The following DNAJC11 variants were observed in gnomAD, a reference collection of about 807,000 sequenced individuals.
DNAJC11 encodes the protein DnaJ heat shock protein family (Hsp40) member C11, also known as dnaJ homolog subfamily C member 11.
A neutral mutation model predicts 78.6 loss-of-function variants in DNAJC11; 15 were observed. That is an observed-to-expected ratio of 0.19 (90% CI 0.13 to 0.29). The LOEUF is 0.29. DNAJC11 is among the 10% of genes least tolerant of loss of function. The pLI is 1.00. For synonymous variants in DNAJC11, 292 were observed against 272.1 expected, an observed-to-expected ratio of 1.07 and a Z score of -0.72; for missense variants, 547 against 709.6, an observed-to-expected ratio of 0.77 and a Z score of 2.60.
chr1:6,670,016 C>T (rs1408022411), intron 3 of DNAJC11, among the ~76,000 whole-genome samples: 1 of 150,572 alleles, frequency 6.6e-6, no homozygotes, highest in Admixed American at 6.6e-5. Context: ...TGCGGTGGTG[C>T]GATCTCAGCT....
At chr1:6,668,006 C>A in intron 3 of DNAJC11, 196 bp from the exon 4 acceptor site, 1 of 566,002 alleles carries the variant, frequency 1.8e-6, no homozygotes, top group Non-Finnish European at 3.2e-6. Flanking sequence ...GCTCACTGCC[C>A]TCCTGGCCCT....
chr1:6,642,545 A>C (rs1313399981), intron 10 of DNAJC11, among the ~76,000 whole-genome samples: 1 of 152,142 alleles, frequency 6.6e-6, no homozygotes, highest in Non-Finnish European at 1.5e-5. Flanking sequence ...TCATTTACTG[A>C]GATAGGAAAG....
intron 3 of DNAJC11, among the ~76,000 whole-genome samples, chr1:6,677,234 G>A (rs1288434775): frequency 2.7e-5 from 4 of 150,368 alleles, no homozygotes; most frequent in East Asian, 1.9e-4. Context: ...ATAACTCAAC[G>A]AGGGTCAATT....
At chr1:6,674,368 T>C (rs771622168) in intron 3 of DNAJC11, among the ~76,000 whole-genome samples, 4 of 151,868 alleles carry the variant, frequency 2.6e-5, no homozygotes, top group Non-Finnish European at 4.4e-5. Flanking sequence ...CGAGACCAGC[T>C]TGGCCAACAT....
intron 11 of DNAJC11, 62 bp downstream of exon 11, chr1:6,639,840 T>C (rs1017255857): frequency 4.0e-5 from 62 of 1,550,874 alleles, no homozygotes; most frequent in Non-Finnish European, 5.3e-5. Flanking sequence ...CTCTCCATTT[T>C]AAGGGTGAGG....
At chr1:6,673,648 C>T (rs1361233109) in intron 3 of DNAJC11, among the ~76,000 whole-genome samples, 2 of 152,172 alleles carry the variant, frequency 1.3e-5, no homozygotes, top group African/African-American at 2.4e-5. Flanking sequence ...ATCTCAGAAA[C>T]CAACATTAAT....
chr1:6,657,758 C>A (rs1261161175), intron 4 of DNAJC11, among the ~76,000 whole-genome samples: 1 of 152,194 alleles, frequency 6.6e-6, no homozygotes, highest in Non-Finnish European at 1.5e-5. Context: ...CATTCTCCTG[C>A]CTCAGCCTCC....
At chr1:6,691,821 C>A (rs1405797827) in intron 1 of DNAJC11, among the ~76,000 whole-genome samples, 1 of 152,214 alleles carries the variant, frequency 6.6e-6, no homozygotes, top group Non-Finnish European at 1.5e-5. Context: ...GCAATCTGTA[C>A]CAGGCATATG....
intron 10 of DNAJC11, among the ~76,000 whole-genome samples, chr1:6,643,420 C>A (rs369400767): frequency 1.3e-5 from 2 of 151,788 alleles, no homozygotes; most frequent in Non-Finnish European, 2.9e-5. Flanking sequence ...AGACTACAGG[C>A]GCCCGCCACC....
chr1:6,648,129 T>A (rs1023761419), intron 7 of DNAJC11, among the ~76,000 whole-genome samples: 1 of 151,932 alleles, frequency 6.6e-6, no homozygotes, highest in Non-Finnish European at 1.5e-5. Context: ...AGATTCCCAG[T>A]CCCCTCCCTC....
At chr1:6,646,084 C>T in intron 7 of DNAJC11, 106 bp from the exon 8 acceptor site, 6 of 1,127,072 alleles carry the variant, frequency 5.3e-6, no homozygotes, top group Non-Finnish European at 6.5e-6. Context: ...CACGTCTATG[C>T]ATCCCTGGGC....
At chr1:6,648,393 C>T (rs1255566098) in intron 7 of DNAJC11, among the ~76,000 whole-genome samples, 2 of 152,134 alleles carry the variant, frequency 1.3e-5, no homozygotes, top group Non-Finnish European at 2.9e-5. Flanking sequence ...TGACCTCAGG[C>T]GACCCGCCTG....
At position 6,635,228 on chromosome 1, in the gene DNAJC11, C is replaced by A. The variant is rs1641739052; in HGVS notation, c.*447G>T. The A allele has an allele frequency of 5.9e-6, 1 of 169,642 alleles. No homozygotes were observed. Among genetic ancestry groups the A allele is most frequent in the East Asian group, 1.6e-4 (1 of 6,396 alleles). 10.5% of individuals were successfully genotyped at this position (169,642 alleles called of 1,614,324 possible). On this transcript the variant is annotated 3_prime_UTR_variant, in exon 16 of 16. Transcript: ENST00000377577. ...AGCCAGCACAGCAGAGGCTCCCTGA[C>A]CGGGAGGCCTGCCTGCTTTTCAGGT...
chr1:6,637,998 C>T, intron 12 of DNAJC11: 1 of 394,820 alleles, frequency 2.5e-6, no homozygotes, highest in South Asian at 4.4e-5. Flanking sequence ...TGGCAGTATG[C>T]TCGCCACATA....
At chr1:6,636,026 G>C in intron 15 of DNAJC11, 91 bp downstream of exon 15, 5 of 1,491,262 alleles carry the variant, frequency 3.4e-6, no homozygotes, top group Non-Finnish European at 4.5e-6. Flanking sequence ...AGCTGAGGAA[G>C]GTGGAAGGTG....
intron 1 of DNAJC11, among the ~76,000 whole-genome samples, chr1:6,700,475 G>A (rs1315234946): frequency 6.6e-6 from 1 of 152,352 alleles, no homozygotes; most frequent in South Asian, 2.1e-4. Context: ...TAAGGTGACA[G>A]ACTAGCATGG....
intron 10 of DNAJC11, among the ~76,000 whole-genome samples, chr1:6,644,086 G>A (rs1026463969): frequency 6.6e-6 from 1 of 151,970 alleles, no homozygotes; most frequent in Admixed American, 6.6e-5. Context: ...TAGCCAGGAT[G>A]GTCTCGATCT....
intron 4 of DNAJC11, among the ~76,000 whole-genome samples, chr1:6,657,442 C>T (rs1642143198): frequency 6.6e-6 from 1 of 152,142 alleles, no homozygotes; most frequent in Non-Finnish European, 1.5e-5. Context: ...GACCCAGCTG[C>T]CATCTGACTG....
chr1:6,636,305 C>G (rs1344694689), intron 14 of DNAJC11, 59 bp from the exon 15 acceptor site: 5 of 1,599,834 alleles, frequency 3.1e-6, no homozygotes, highest in Non-Finnish European at 4.3e-6. Context: ...AGCACTCCTC[C>G]TCACTACCAC....
Sources: allele counts gnomAD v4.1 joint callset (sites outside exome capture counted in the v4.1 genomes callset), GRCh38; gene constraint gnomAD v4.1.1; transcripts MANE v1.5; gene names NCBI Gene and HGNC (gene_info 2026-07-23, HGNC 2026-07-21).